METTL8: variants seen among roughly 807,000 people sequenced by gnomAD.
METTL8 encodes methyltransferase 8, tRNA N3-cytidine.
In METTL8, 32 loss-of-function variants were observed where a neutral mutation model predicts 48.7. The ratio of observed to expected loss-of-function variants is 0.66; its 90% CI spans 0.50 to 0.88. METTL8 has a LOEUF of 0.88. Ranked by LOEUF, METTL8 falls within the 40% of genes least tolerant of loss-of-function variation. The pLI is 0.00. For missense variants in METTL8, 464 were observed against 474.4 expected (o/e 0.98, Z 0.20); for synonymous variants, 136 against 157.1 (o/e 0.87, Z 1.01).
At chr2:171,387,416 G>C (rs993350965) in intron 2 of METTL8, among the ~76,000 whole-genome samples, 5 of 151,996 alleles carry the variant, frequency 3.3e-5, no homozygotes, top group Non-Finnish European at 2.9e-5. Flanking sequence ...TATAATCCCA[G>C]ATACTCAGGA....
intron 3 of METTL8, among the ~76,000 whole-genome samples, chr2:171,358,842 C>T (rs573032822): frequency 1.6e-4 from 24 of 152,100 alleles, no homozygotes; most frequent in African/African-American, 3.9e-4. Context: ...TGCTAACAAG[C>T]ACCTGTACAG....
At chr2:171,375,741 T>C (rs1349890990) in intron 2 of METTL8, among the ~76,000 whole-genome samples, 2 of 152,188 alleles carry the variant, frequency 1.3e-5, no homozygotes, top group Non-Finnish European at 2.9e-5. Flanking sequence ...AAACTATTGA[T>C]ACATGTAGCA....
rs375128447 is a variant in METTL8, at chr2:171,374,913, C to G, written c.144-14400G>C. The G allele has an allele frequency of 4.3e-5, 52 of 1,210,794 alleles. 1 individual carries two copies. In the African/African-American group the frequency reaches 5.9e-4, roughly 14 times the overall value. 75.0% of individuals were successfully genotyped at this position (1,210,794 alleles called of 1,614,324 possible). On this transcript the variant is annotated intron_variant, in intron 2 of 9. Coordinates refer to ENST00000375258, the MANE Select transcript of METTL8 (RefSeq NM_001321154.2). ...CTCCAGAGAATAGTCTGTCTTCAGT[C>G]TTTAAGAACTCAGCTCCTTACATGG...
chr2:171,393,144 G>A (rs991863838), intron 1 of METTL8, among the ~76,000 whole-genome samples: 1 of 151,966 alleles, frequency 6.6e-6, no homozygotes, highest in Non-Finnish European at 1.5e-5. Context: ...CTTAAGGCCA[G>A]CTGCAGTGGC....
chr2:171,431,131 G>C (rs908003541), intron 1 of METTL8, among the ~76,000 whole-genome samples: 4 of 152,216 alleles, frequency 2.6e-5, no homozygotes, highest in Admixed American at 6.5e-5. Context: ...CGTCCCTGAA[G>C]AACCTACGAC....
intron 3 of METTL8, among the ~76,000 whole-genome samples, chr2:171,358,582 T>A (rs944518034): frequency 6.6e-6 from 1 of 152,130 alleles, no homozygotes; most frequent in African/African-American, 2.4e-5. Context: ...CTTCAATAAA[T>A]GGTGCTGGGA....
At chr2:171,409,221 G>A (rs1219213954) in intron 1 of METTL8, among the ~76,000 whole-genome samples, 3 of 152,104 alleles carry the variant, frequency 2.0e-5, no homozygotes, top group African/African-American at 4.8e-5. Context: ...CTTTGCTTAC[G>A]CCTATCAGTG....
At chr2:171,358,120 G>T (rs989134205) in intron 3 of METTL8, among the ~76,000 whole-genome samples, 2 of 152,116 alleles carry the variant, frequency 1.3e-5, no homozygotes, top group Admixed American at 1.3e-4. Context: ...GGAGGCAGAG[G>T]TGGGCGGATC....
intron 3 of METTL8, among the ~76,000 whole-genome samples, chr2:171,342,764 C>T (rs562172162): frequency 6.6e-6 from 1 of 152,258 alleles, no homozygotes; most frequent in Admixed American, 6.5e-5. Context: ...TGTGTTTGAG[C>T]CCAATTACCA....
intron 2 of METTL8, among the ~76,000 whole-genome samples, chr2:171,384,666 CAAA>C (rs1299004453): frequency 6.6e-6 from 1 of 150,748 alleles, no homozygotes; most frequent in African/African-American, 2.4e-5. Flanking sequence ...CCCACCTCTA[CAAA>C]AAAAATAAAA....
rs575288771 is a variant in METTL8 at position 171,378,210 on chromosome 2, T to C, written c.143+13833A>G. Among the ~76,000 whole-genome samples, 4 of 152,242 alleles carry C rather than the reference T, an allele frequency of 2.6e-5. No individual in the cohort carries two copies. The South Asian group carries it at 8.3e-4, about 32-fold the overall frequency. On this transcript the variant is annotated intron_variant, in intron 2 of 9. Coordinates refer to ENST00000375258, the MANE Select transcript of METTL8 (RefSeq NM_001321154.2). ...GAGACTCAACTCATGTGCAAAGACA[T>C]ACATAGGCTCAAAATAAAGGGATGG...
chr2:171,425,744 T>C (rs1370989803), intron 1 of METTL8, among the ~76,000 whole-genome samples: 1 of 152,224 alleles, frequency 6.6e-6, no homozygotes, highest in Non-Finnish European at 1.5e-5. Flanking sequence ...GAATGGGTGT[T>C]AATTTAAGCT....
intron 7 of METTL8, chr2:171,327,192 GT>G (rs747516805): frequency 6.6e-6 from 1 of 152,132 alleles, no homozygotes; most frequent in African/African-American, 2.4e-5. Flanking sequence ...CTCCTTTACT[GT>G]TTATTCTACT....
upstream of METTL8, chr2:171,434,367 C>G: frequency 2.4e-6 from 2 of 838,340 alleles, no homozygotes; most frequent in Non-Finnish European, 3.9e-6. Flanking sequence ...TGCTTCTTCC[C>G]TTCTCTCCGC....
intron 3 of METTL8, among the ~76,000 whole-genome samples, chr2:171,357,770 C>T (rs1279710039): frequency 6.6e-6 from 1 of 151,992 alleles, no homozygotes; most frequent in African/African-American, 2.4e-5. Flanking sequence ...TTACAGCTTA[C>T]TGCAGCCTCA....
chr2:171,367,273 G>A (rs563011768), intron 2 of METTL8, among the ~76,000 whole-genome samples: 30 of 152,110 alleles, frequency 2.0e-4, no homozygotes, highest in Non-Finnish European at 4.1e-4. Flanking sequence ...AGATAAATTT[G>A]AAAAGTAGCT....
upstream of METTL8, chr2:171,434,047 C>T (rs954279654): frequency 3.5e-4 from 102 of 288,868 alleles, no homozygotes; most frequent in Non-Finnish European, 6.6e-4. Context: ...GGGCGGAGAC[C>T]TGGAGGCGGC....
chr2:171,330,692 A>G lies in METTL8; in HGVS notation c.727T>C (p.Ser243Pro). Residue 243 changes from serine to proline, a missense_variant, in exon 7 of 10, where the codon TCG becomes CCG. Transcript: ENST00000375258. The stretch of plus-strand genomic sequence containing the variant: ...AAACACTGGGTTGCTCTGTAGGACG[A>G]GTGTGACTGTCATGATAAAGGAACA... ...SGAVELVKSHSSYRATQCFAF... is the reference protein window; with the variant it reads ...SGAVELVKSHPSYRATQCFAF... 4 of 1,609,054 alleles carry G rather than the reference A, an allele frequency of 2.5e-6. No homozygotes were observed. Among genetic ancestry groups the G allele is most frequent in the Non-Finnish European group, 3.4e-6 (4 of 1,178,520 alleles).
intron 2 of METTL8, among the ~76,000 whole-genome samples, chr2:171,372,312 A>G (rs954120531): frequency 1.3e-5 from 2 of 151,996 alleles, no homozygotes; most frequent in African/African-American, 4.8e-5. Flanking sequence ...TTAAAACTCA[A>G]TACCAATGCA....
Sources: gnomAD v4.1 joint callset for allele counts (sites outside exome capture counted in the v4.1 genomes callset) on GRCh38, gnomAD v4.1.1 for gene constraint, MANE v1.5 for transcripts, NCBI Gene and HGNC (gene_info 2026-07-23, HGNC 2026-07-21) for gene names.